Variants in ZBTB16 observed in about 807,000 individuals in gnomAD.
The protein encoded by ZBTB16 is zinc finger and BTB domain containing 16, also known as zinc finger and BTB domain-containing protein 16.
Under a neutral mutation model 56.8 loss-of-function variants are expected in ZBTB16, and 8 were observed. The ratio of observed to expected loss-of-function variants is 0.14; its 90% CI spans 0.08 to 0.25. The LOEUF is 0.25. ZBTB16 is among the 10% of genes least tolerant of loss of function. ZBTB16 has a pLI of 1.00. For missense variants in ZBTB16, 625 were observed against 903.0 expected, an observed-to-expected ratio of 0.69 and a Z score of 3.95; for synonymous variants, 363 against 368.5, an observed-to-expected ratio of 0.98 and a Z score of 0.17.
intron 1 of ZBTB16, among the ~76,000 whole-genome samples, chr11:114,062,179 C>T (rs991592906): frequency 2.0e-5 from 3 of 151,818 alleles, no homozygotes; most frequent in African/African-American, 7.3e-5. Flanking sequence ...TCTCGGCTCA[C>T]GGCAACCTCC....
intron 4 of ZBTB16, among the ~76,000 whole-genome samples, chr11:114,240,434 G>A (rs925848752): frequency 6.6e-6 from 1 of 152,046 alleles, no homozygotes; most frequent in African/African-American, 2.4e-5. Flanking sequence ...ATGGCTTCCA[G>A]CAGCCAAAGC....
At chr11:114,239,200 G>T (rs1278641747) in intron 4 of ZBTB16, among the ~76,000 whole-genome samples, 3 of 152,182 alleles carry the variant, frequency 2.0e-5, no homozygotes, top group Non-Finnish European at 2.9e-5. Flanking sequence ...GCACCTGTGG[G>T]TCTGGCTGTA....
intron 2 of ZBTB16, among the ~76,000 whole-genome samples, chr11:114,148,019 G>A (rs1942154013): frequency 6.6e-6 from 1 of 152,190 alleles, no homozygotes; most frequent in Admixed American, 6.5e-5. Flanking sequence ...GGAGAACTTA[G>A]TATTTTAAAA....
In ZBTB16 at chr11:114,255,656, T is replaced by C. The variant is rs546951862; in HGVS notation, c.*5101T>C. Among the ~76,000 whole-genome samples, 26 of 151,306 alleles carry C rather than the reference T, an allele frequency of 1.7e-4. No homozygotes were observed. Among genetic ancestry groups the C allele is most frequent in the African/African-American group, 6.1e-4 (25 of 41,208 alleles). ...GCAGTCCTGGTTGCAGCTTTCCGCA[T>C]CTGCCTTCGTTTCGTGTAGATTGAC... On this transcript the variant is annotated 3_prime_UTR_variant, in exon 7 of 7. Coordinates refer to ENST00000335953, the MANE Select transcript of ZBTB16 (RefSeq NM_006006.6).
chr11:114,088,952 G>GT (rs1449006588), intron 2 of ZBTB16, among the ~76,000 whole-genome samples: 1 of 152,206 alleles, frequency 6.6e-6, no homozygotes, highest in Non-Finnish European at 1.5e-5. Context: ...GCAGGCATAG[G>GT]TATGAACACA....
In ZBTB16 at chr11:114,181,101, A is replaced by G. The variant is rs554640684; in HGVS notation, c.1367-5851A>G. 5.9e-5 allele frequency among the ~76,000 whole-genome samples: 9 copies of G among 152,312 alleles called. No homozygotes were observed. In the East Asian group the frequency reaches 1.7e-3, roughly 29 times the overall value. On this transcript the variant is annotated intron_variant, in intron 3 of 6. Coordinates refer to ENST00000335953, the MANE Select transcript of ZBTB16 (RefSeq NM_006006.6). ...CGTGTGGTACTGTGTGTCTTTATGA[A>G]TGTGAGACTCACTTTACACAAGATA...
intron 2 of ZBTB16, among the ~76,000 whole-genome samples, chr11:114,082,458 AC>A (rs1397233143): frequency 2.0e-5 from 3 of 152,208 alleles, no homozygotes; most frequent in Admixed American, 6.5e-5. Flanking sequence ...GTTTGTTTTA[AC>A]TGCTGTTTCT....
chr11:114,070,991 C>T (rs892532660), intron 2 of ZBTB16, among the ~76,000 whole-genome samples: 2 of 152,252 alleles, frequency 1.3e-5, no homozygotes, highest in African/African-American at 4.8e-5. Context: ...CCTAGCTCTG[C>T]GTTTTTCAGC....
At chr11:114,112,764 T>TC (rs1215804952) in intron 2 of ZBTB16, among the ~76,000 whole-genome samples, 10 of 120,598 alleles carry the variant, frequency 8.3e-5, no homozygotes, top group South Asian at 2.8e-4. Context: ...CATTTTCTTT[T>TC]TTTTTTTTTT....
At chr11:114,190,318 A>T (rs1177922580) in intron 4 of ZBTB16, among the ~76,000 whole-genome samples, 1 of 152,230 alleles carries the variant, frequency 6.6e-6, no homozygotes, top group African/African-American at 2.4e-5. Flanking sequence ...CATAAGTAGA[A>T]AAGATAATAA....
intron 3 of ZBTB16, among the ~76,000 whole-genome samples, chr11:114,172,276 C>T (rs886124807): frequency 6.6e-6 from 1 of 152,188 alleles, no homozygotes; most frequent in Non-Finnish European, 1.5e-5. Context: ...AAAAACTGAA[C>T]ACTTTGCCTT....
At position 114,233,115 on chromosome 11, in the gene ZBTB16, ACACACACACACT is replaced by A. The variant is rs1465176416; in HGVS notation, c.1454-9050_1454-9039del. On this transcript the variant is annotated intron_variant, in intron 4 of 6. Coordinates refer to ENST00000335953, the MANE Select transcript of ZBTB16 (RefSeq NM_006006.6). ...CACACACACACACACACACACACAC[ACACACACACACT>A]CTCTCTCTCTCACACTCCCTTTCCT... Among the ~76,000 whole-genome samples, 175 of 56,006 alleles carry A rather than the reference ACACACACACACT, an allele frequency of 3.1e-3. 2 individuals carry two copies. The highest frequency in any genetic ancestry group is 5.6e-3 in the African/African-American group (130 of 23,302). The allele number at this position is 56,006 out of a possible 152,430, so 36.7% of individuals were successfully genotyped here.
At position 114,143,860 on chromosome 11, in the gene ZBTB16, C is replaced by T. The variant is rs1044514605; in HGVS notation, c.1269-12477C>T. On this transcript the variant is annotated intron_variant, in intron 2 of 6. Coordinates refer to ENST00000335953, the MANE Select transcript of ZBTB16 (RefSeq NM_006006.6). The surrounding 1 kb of genome is among the most constrained non-coding windows in gnomAD (Gnocchi z 6.4). ...TATGTTGTTGGGTATTGTGTTGCAC[C>T]GTGAGACTGAAAGTGTGGATGTTTC... 2.0e-5 allele frequency among the ~76,000 whole-genome samples: 3 copies of T among 152,068 alleles called. No homozygotes were observed. Among genetic ancestry groups the T allele is most frequent in the Admixed American group, 6.5e-5 (1 of 15,280 alleles).
intron 2 of ZBTB16, among the ~76,000 whole-genome samples, chr11:114,087,295 T>G (rs1939991378): frequency 6.6e-6 from 1 of 152,232 alleles, no homozygotes; most frequent in Non-Finnish European, 1.5e-5. Context: ...CAAGCAACCC[T>G]CTGTGGGTGA....
intron 4 of ZBTB16, among the ~76,000 whole-genome samples, chr11:114,212,199 G>A (rs2135131956): frequency 6.6e-6 from 1 of 152,218 alleles, no homozygotes; most frequent in South Asian, 2.1e-4. Context: ...TCTGAATAGT[G>A]TTCTTTAAAT....
intron 4 of ZBTB16, among the ~76,000 whole-genome samples, chr11:114,216,522 T>C (rs1341213058): frequency 6.6e-6 from 1 of 152,180 alleles, no homozygotes; most frequent in Non-Finnish European, 1.5e-5. Flanking sequence ...TGGACACTGG[T>C]AACCTTTTGT....
At chr11:114,168,271 C>T (rs1242596067) in intron 3 of ZBTB16, among the ~76,000 whole-genome samples, 2 of 152,132 alleles carry the variant, frequency 1.3e-5, no homozygotes, top group African/African-American at 2.4e-5. Context: ...TCCCTCCAGC[C>T]CCAGGAGTCA....
chr11:114,078,969 G>A (rs571967055), intron 2 of ZBTB16, among the ~76,000 whole-genome samples: 3 of 151,422 alleles, frequency 2.0e-5, no homozygotes, highest in African/African-American at 4.8e-5. Flanking sequence ...CAGGAAAATC[G>A]CTTGGGATTA....
At chr11:114,167,083 G>A (rs997475864) in intron 3 of ZBTB16, among the ~76,000 whole-genome samples, 22 of 152,112 alleles carry the variant, frequency 1.4e-4, no homozygotes, top group African/African-American at 5.3e-4. Context: ...GCAGAGAACA[G>A]GCTAAATTTA....
Sources: allele counts gnomAD v4.1 joint callset (sites outside exome capture counted in the v4.1 genomes callset), GRCh38; gene constraint gnomAD v4.1.1; non-coding constraint Gnocchi (gnomAD v3.1); transcripts MANE v1.5; gene names NCBI Gene and HGNC (gene_info 2026-07-23, HGNC 2026-07-21).